SMU1: variants seen among roughly 807,000 people sequenced by gnomAD.
SMU1 encodes the protein SMU1 DNA replication regulator and spliceosomal factor.
A neutral mutation model predicts 62.0 loss-of-function variants in SMU1; 2 were observed. The ratio of observed to expected loss-of-function variants is 0.03; its 90% CI spans 0.01 to 0.10. The LOEUF is 0.10. Ranked by LOEUF, SMU1 falls within the 10% of genes least tolerant of loss-of-function variation. The pLI, the probability that SMU1 is intolerant of heterozygous loss-of-function variation, is 1.00. For missense variants in SMU1, 227 were observed against 622.1 expected (o/e 0.36, Z 6.76); for synonymous variants, 188 against 212.4 (o/e 0.89, Z 1.00).
Position 33,046,460 on chromosome 9 carries a change from G to C in SMU1, c.*833C>G, listed in dbSNP as rs150661819. ...CCAGGAATTCACTTCTGCTGTACTT[G>C]AGATTCAGGGATAATAATGTGACTC... On this transcript the variant is annotated 3_prime_UTR_variant, in exon 12 of 12. Transcript: ENST00000397149. 1.4e-3 allele frequency: 210 copies of C among 151,916 alleles called. No individual in the cohort carries two copies. The highest frequency in any genetic ancestry group is 4.6e-3 in the African/African-American group (191 of 41,404). 9.4% of individuals were successfully genotyped at this position (151,916 alleles called of 1,614,324 possible). A position where few individuals can be genotyped will look rare whatever the true frequency, so the allele number is the denominator to read the frequency against.
chr9:33,047,472 G>T, intron 11 of SMU1, 81 bp from the exon 12 acceptor site: 1 of 1,127,272 alleles, frequency 8.9e-7, no homozygotes, highest in Non-Finnish European at 1.3e-6. Context: ...GTGGGTGGAA[G>T]GGAAAAAGAG....
In SMU1 at chr9:33,060,449, A is replaced by G; in HGVS notation, c.750+16T>C. The stretch of plus-strand genomic sequence containing the variant: ...ATTTTTCCACTAGGAAGGTTAACAC[A>G]TTTAAAATACTTTACCTTTCTGATT... On this transcript the variant is annotated intron_variant, in intron 6 of 11. Transcript: ENST00000397149. 2.5e-6 allele frequency: 4 copies of G among 1,591,396 alleles called. No individual in the cohort carries two copies. The highest frequency in any genetic ancestry group is 3.4e-6 in the Non-Finnish European group (4 of 1,174,264).
rs1839159152 is a variant in SMU1, at chr9:33,044,302, ACCG to A, written c.*2988_*2990del. ...TGCCACCGGCCCTTAAGACGATGTG[ACCG>A]CCAATTTTGTAACAGTGACGTCACC... On this transcript the variant is annotated 3_prime_UTR_variant, in exon 12 of 12. Transcript: ENST00000397149. 1 of 152,384 alleles carries A rather than the reference ACCG, an allele frequency of 6.6e-6. No homozygotes were observed. 9.4% of individuals were successfully genotyped at this position (152,384 alleles called of 1,614,324 possible).
At chr9:33,063,889 A>G (rs1306200100) in intron 4 of SMU1, among the ~76,000 whole-genome samples, 1 of 152,100 alleles carries the variant, frequency 6.6e-6, no homozygotes, top group Non-Finnish European at 1.5e-5. Context: ...AGCTAATTTA[A>G]TAAGTAGAAA....
chr9:33,071,400 A>G (rs898943096), intron 3 of SMU1, among the ~76,000 whole-genome samples: 1 of 152,202 alleles, frequency 6.6e-6, no homozygotes, highest in Non-Finnish European at 1.5e-5. Flanking sequence ...GGCAAGACAC[A>G]CAAATGATCA....
rs1018972465 is a variant in SMU1, at chr9:33,042,443, C to T, written c.*4850G>A. On this transcript the variant is annotated 3_prime_UTR_variant, in exon 12 of 12. Transcript: ENST00000397149. Reference sequence around the variant, plus strand: ...CAAGTTCCAGCACTAACTCTGCTTTCTCTGTGATGCTTCTCCTGCCCATTC... The same window carrying T: ...CAAGTTCCAGCACTAACTCTGCTTTTTCTGTGATGCTTCTCCTGCCCATTC... 2.6e-5 allele frequency: 4 copies of T among 152,570 alleles called. No homozygotes were observed. The highest frequency in any genetic ancestry group is 5.9e-5 in the Non-Finnish European group (4 of 68,054). The allele number at this position is 152,570 out of a possible 1,614,324, so 9.5% of individuals were successfully genotyped here.
rs1262875808 is a variant in SMU1, at chr9:33,047,262, CT to C, written c.*30del. On this transcript the variant is annotated 3_prime_UTR_variant, in exon 12 of 12. Coordinates refer to ENST00000397149, the MANE Select transcript of SMU1 (RefSeq NM_018225.3). ...TGAATATGCTTCATTTAAGTACATGCTTTCGAGCTGATTTAAAAAGAAAAGT... is the reference window on the plus strand; with the variant it reads ...TGAATATGCTTCATTTAAGTACATGCTTCGAGCTGATTTAAAAAGAAAAGT... 2 of 1,488,870 alleles carry C rather than the reference CT, an allele frequency of 1.3e-6. No homozygotes were observed. The highest frequency in any genetic ancestry group is 9.3e-7 in the Non-Finnish European group (1 of 1,075,392). 92.2% of individuals were successfully genotyped at this position (1,488,870 alleles called of 1,614,324 possible).
intron 4 of SMU1, among the ~76,000 whole-genome samples, chr9:33,064,530 G>A (rs1839397511): frequency 1.3e-5 from 2 of 151,932 alleles, no homozygotes; most frequent in Admixed American, 1.3e-4. Flanking sequence ...CTTATTCCTA[G>A]GTTTTGTGGT....
At chr9:33,068,186 T>A (rs1449883945) in intron 4 of SMU1, among the ~76,000 whole-genome samples, 1 of 152,206 alleles carries the variant, frequency 6.6e-6, no homozygotes, top group Non-Finnish European at 1.5e-5. Flanking sequence ...GGATTCTAAC[T>A]AGGATGGGCA....
chr9:33,069,355 C>G (rs958876611), intron 3 of SMU1, among the ~76,000 whole-genome samples: 39 of 152,240 alleles, frequency 2.6e-4, no homozygotes, highest in Non-Finnish European at 2.6e-4. Flanking sequence ...TTCACCACCT[C>G]TAAGTTAAAT....
Position 33,075,735 on chromosome 9 carries a change from AT to A in SMU1, c.26+847del, listed in dbSNP as rs145796610. Among the ~76,000 whole-genome samples the A allele has an allele frequency of 1.9e-3, 295 of 152,318 alleles. 9 individuals carry two copies. In the East Asian group the frequency reaches 0.054, roughly 28 times the overall value. On this transcript the variant is annotated intron_variant, in intron 1 of 11. Coordinates refer to ENST00000397149, the MANE Select transcript of SMU1 (RefSeq NM_018225.3). ...GAATGCATAAACCTCCCTTCCTCCTATGAAAAGTCTCCAAAAAAGGTCCTCT... is the reference window on the plus strand; with the variant it reads ...GAATGCATAAACCTCCCTTCCTCCTAGAAAAGTCTCCAAAAAAGGTCCTCT...
intron 4 of SMU1, 79 bp downstream of exon 4, chr9:33,068,745 T>G (rs763194194): frequency 1.2e-5 from 19 of 1,521,880 alleles, no homozygotes; most frequent in Non-Finnish European, 1.7e-5. Flanking sequence ...GCTCAAGTGA[T>G]TCTCCTGCCT....
In SMU1 at chr9:33,071,921, C is replaced by G. The variant is rs190696273; in HGVS notation, c.238-29G>C. On this transcript the variant is annotated intron_variant, in intron 2 of 11. Coordinates refer to ENST00000397149, the MANE Select transcript of SMU1 (RefSeq NM_018225.3). ...GACAATTAAAAAAAAACAAAAAAAA[C>G]CCCAGATGTTTCAACACACCGTCTT... is the stretch of plus-strand genomic sequence containing the variant. 65 of 1,491,158 alleles carry G rather than the reference C, an allele frequency of 4.4e-5. No individual in the cohort carries two copies. The East Asian group carries it at 1.6e-3, about 36-fold the overall frequency. 92.4% of individuals were successfully genotyped at this position (1,491,158 alleles called of 1,614,324 possible).
At chr9:33,064,312 C>G (rs911734343) in intron 4 of SMU1, among the ~76,000 whole-genome samples, 1 of 152,168 alleles carries the variant, frequency 6.6e-6, no homozygotes, top group South Asian at 2.1e-4. Context: ...ATCTGTTTAC[C>G]TTTTCCTTGG....
intron 10 of SMU1, among the ~76,000 whole-genome samples, chr9:33,049,166 A>G (rs1391061287): frequency 1.3e-5 from 2 of 152,196 alleles, no homozygotes; most frequent in Non-Finnish European, 2.9e-5. Context: ...TAGCGAACTC[A>G]ATGTTGAAAG....
intron 4 of SMU1, among the ~76,000 whole-genome samples, chr9:33,065,850 G>A (rs192092454): frequency 1.3e-5 from 2 of 152,274 alleles, no homozygotes; most frequent in Admixed American, 6.5e-5. Flanking sequence ...AATCTCAGTA[G>A]AGCTGAGGAC....
rs914386594 is a variant in SMU1, at chr9:33,053,071, G to A, written c.1290+52C>T. 15 of 1,562,840 alleles carry A rather than the reference G, an allele frequency of 9.6e-6. No individual in the cohort carries two copies. In the African/African-American group the frequency reaches 2.0e-4, roughly 21 times the overall value. On this transcript the variant is annotated intron_variant, in intron 10 of 11. Transcript: ENST00000397149. Reference sequence around the variant, plus strand: ...GGGTGGGCCTGGACCAGGAAGTGCTGATTTGGGAATGGCCCACAGTTCCTG... The same window carrying A: ...GGGTGGGCCTGGACCAGGAAGTGCTAATTTGGGAATGGCCCACAGTTCCTG...
At chr9:33,071,659 A>G (rs1267893693) in intron 3 of SMU1, 81 bp downstream of exon 3, 71 of 1,370,210 alleles carry the variant, frequency 5.2e-5, no homozygotes, top group Non-Finnish European at 6.8e-5. Context: ...ATACAATAAA[A>G]TGGTAAAAAA....
intron 6 of SMU1, among the ~76,000 whole-genome samples, chr9:33,059,539 G>A (rs1315009419): frequency 8.0e-5 from 12 of 150,782 alleles, no homozygotes; most frequent in Middle Eastern, 3.4e-3. Context: ...GCAGTGAGCC[G>A]AGATCGTGCC....
Sources: gnomAD v4.1 joint callset for allele counts (sites outside exome capture counted in the v4.1 genomes callset) on GRCh38, gnomAD v4.1.1 for gene constraint, MANE v1.5 for transcripts, NCBI Gene and HGNC (gene_info 2026-07-23, HGNC 2026-07-21) for gene names.